The following NECTIN3 variants were observed in gnomAD, a reference collection of about 807,000 sequenced individuals.
The protein encoded by NECTIN3 is nectin cell adhesion molecule 3.
Under a neutral mutation model 49.4 loss-of-function variants are expected in NECTIN3, and 8 were observed. That is an observed-to-expected ratio of 0.16 (90% CI 0.10 to 0.29). The LOEUF (loss-of-function observed/expected upper bound fraction) is 0.29. NECTIN3 is among the 10% of genes least tolerant of loss of function. The pLI, the probability that NECTIN3 is intolerant of heterozygous loss-of-function variation, is 1.00. For synonymous variants in NECTIN3, 277 were observed against 241.1 expected (o/e 1.15, Z -1.38); for missense variants, 581 against 654.6 (o/e 0.89, Z 1.23).
chr3:111,097,285 A>T (rs2107409900), intron 1 of NECTIN3, among the ~76,000 whole-genome samples: 1 of 152,288 alleles, frequency 6.6e-6, no homozygotes, highest in South Asian at 2.1e-4. Context: ...GGCTGTATTT[A>T]TCCAATACCT....
At chr3:111,143,554 GTATT>G (rs1229868430) in intron 5 of NECTIN3, among the ~76,000 whole-genome samples, 1 of 151,812 alleles carries the variant, frequency 6.6e-6, no homozygotes, top group Non-Finnish European at 1.5e-5. Flanking sequence ...TTATAAATAT[GTATT>G]TATATGGGAA....
chr3:111,108,528 T>C (rs1054025350), intron 1 of NECTIN3, among the ~76,000 whole-genome samples: 1 of 152,236 alleles, frequency 6.6e-6, no homozygotes, highest in African/African-American at 2.4e-5. Flanking sequence ...CTTAGTCAAC[T>C]TGGGGTGTGT....
intron 7 of NECTIN3, among the ~76,000 whole-genome samples, chr3:111,154,580 G>A (rs1165726335): frequency 6.6e-6 from 1 of 152,124 alleles, no homozygotes; most frequent in Non-Finnish European, 1.5e-5. Flanking sequence ...ATGCCAAACT[G>A]TGATCCTAAA....
At chr3:111,129,029 T>A (rs149051768) in intron 5 of NECTIN3, among the ~76,000 whole-genome samples, 1 of 152,218 alleles carries the variant, frequency 6.6e-6, no homozygotes, top group Non-Finnish European at 1.5e-5. Flanking sequence ...TCATTTCTTA[T>A]ATGTTTTGCT....
chr3:111,117,995 A>G (rs1186155049), intron 2 of NECTIN3, among the ~76,000 whole-genome samples: 1 of 151,868 alleles, frequency 6.6e-6, no homozygotes, highest in Non-Finnish European at 1.5e-5. Flanking sequence ...TATTTTGTAA[A>G]TAAAAGTAAT....
intron 1 of NECTIN3, among the ~76,000 whole-genome samples, chr3:111,078,588 T>G (rs1278552834): frequency 1.3e-5 from 2 of 152,152 alleles, no homozygotes; most frequent in African/African-American, 4.8e-5. Flanking sequence ...AATTCTTTGG[T>G]GTAATATATA....
intron 1 of NECTIN3, among the ~76,000 whole-genome samples, chr3:111,082,544 TTAG>T (rs1476019072): frequency 1.3e-5 from 2 of 151,986 alleles, no homozygotes; most frequent in Non-Finnish European, 2.9e-5. Flanking sequence ...ATGAATACAT[TTAG>T]TAGAGGTAAG....
intron 2 of NECTIN3, among the ~76,000 whole-genome samples, chr3:111,115,751 C>A (rs1406416801): frequency 1.3e-5 from 2 of 152,108 alleles, no homozygotes; most frequent in Non-Finnish European, 2.9e-5. Flanking sequence ...AGCCATGAGG[C>A]CATGAAGACT....
intron 2 of NECTIN3, among the ~76,000 whole-genome samples, chr3:111,114,287 G>A (rs985454701): frequency 6.6e-6 from 1 of 151,866 alleles, no homozygotes; most frequent in Non-Finnish European, 1.5e-5. Flanking sequence ...CTTTCTGCCT[G>A]GATTGCCTTT....
chr3:111,165,510 A>G (rs1208769653), intron 7 of NECTIN3, among the ~76,000 whole-genome samples: 2 of 152,188 alleles, frequency 1.3e-5, no homozygotes, highest in Non-Finnish European at 2.9e-5. Context: ...ATGTATGAGT[A>G]GAGAAAATCT....
intron 7 of NECTIN3, among the ~76,000 whole-genome samples, chr3:111,165,889 C>T (rs531774843): frequency 1.3e-5 from 2 of 152,236 alleles, no homozygotes; most frequent in Non-Finnish European, 2.9e-5. Flanking sequence ...TAGCTGAATT[C>T]CAGCTGTAAT....
chr3:111,118,633 T>C (rs752604459), intron 2 of NECTIN3, 23 bp from the exon 3 acceptor site: 3 of 1,499,074 alleles, frequency 2.0e-6, no homozygotes, highest in Non-Finnish European at 2.7e-6. Flanking sequence ...ATGTAACTAA[T>C]TATTAAAAAA....
intron 5 of NECTIN3, among the ~76,000 whole-genome samples, chr3:111,143,282 T>A (rs1341411288): frequency 6.6e-6 from 1 of 151,852 alleles, no homozygotes; most frequent in Admixed American, 6.6e-5. Context: ...ACCAGGCTGG[T>A]ATTAGAAAAT....
At chr3:111,175,611 C>A (rs1201657185) in intron 7 of NECTIN3, among the ~76,000 whole-genome samples, 1 of 152,116 alleles carries the variant, frequency 6.6e-6, no homozygotes, top group Non-Finnish European at 1.5e-5. Flanking sequence ...AATTTTCAGT[C>A]CATTCACCTC....
In NECTIN3 at chr3:111,147,270, G is replaced by C. The variant is rs2034895379; in HGVS notation, c.1140-133G>C. 1.4e-5 allele frequency: 9 copies of C among 632,822 alleles called. 1 individual carries two copies. The South Asian group carries it at 2.2e-4, about 15-fold the overall frequency. 39.2% of individuals were successfully genotyped at this position (632,822 alleles called of 1,614,324 possible). On this transcript the variant is annotated intron_variant, in intron 6 of 8. Coordinates refer to the NECTIN3 transcript ENST00000493615. ...GGCAATGTAAGAACTGAATTAAGCA[G>C]GTAGGCTAGAGTAAATATTATCTAT... is the stretch of plus-strand genomic sequence containing the variant.
intron 2 of NECTIN3, among the ~76,000 whole-genome samples, chr3:111,114,923 A>G (rs1393197827): frequency 1.3e-5 from 2 of 152,188 alleles, no homozygotes; most frequent in African/African-American, 2.4e-5. Context: ...GGACTTAAGT[A>G]TGCACGGATT....
At chr3:111,168,627 A>G (rs1264458037) in intron 7 of NECTIN3, among the ~76,000 whole-genome samples, 4 of 152,204 alleles carry the variant, frequency 2.6e-5, no homozygotes, top group African/African-American at 7.2e-5. Flanking sequence ...GGATTAATCA[A>G]TCAAAGGTGT....
At position 111,134,966 on chromosome 3, in the gene NECTIN3, T is replaced by C. The variant is rs2034525652; in HGVS notation, c.*751T>C. 2.8e-5 allele frequency: 27 copies of C among 978,628 alleles called. No homozygotes were observed. Among genetic ancestry groups the C allele is most frequent in the Non-Finnish European group, 3.3e-5 (27 of 825,410 alleles). The allele number at this position is 978,628 out of a possible 1,614,324, so 60.6% of individuals were successfully genotyped here. ...TAAAATACATACCTTTCAAACATGA[T>C]AATTATTAGTTTTTTTTTTTCCTTT... On this transcript the variant is annotated 3_prime_UTR_variant, in exon 6 of 6. Transcript: ENST00000485303.
chr3:111,166,867 G>C (rs1270016255), intron 7 of NECTIN3, among the ~76,000 whole-genome samples: 1 of 152,134 alleles, frequency 6.6e-6, no homozygotes, highest in Non-Finnish European at 1.5e-5. Flanking sequence ...ATGTAATGTA[G>C]GAATAATATA....
Sources: allele counts gnomAD v4.1 joint callset (sites outside exome capture counted in the v4.1 genomes callset), GRCh38; gene constraint gnomAD v4.1.1; transcripts MANE v1.5; gene names NCBI Gene and HGNC (gene_info 2026-07-23, HGNC 2026-07-21).